The following CCDC33 variants were observed in gnomAD, a reference collection of about 807,000 sequenced individuals.
The protein encoded by CCDC33 is coiled-coil domain containing 33, also known as coiled-coil domain-containing protein 33.
In CCDC33, 94 loss-of-function variants were observed where a neutral mutation model predicts 91.9. The ratio of observed to expected loss-of-function variants is 1.02; its 90% confidence interval spans 0.87 to 1.21. The LOEUF (loss-of-function observed/expected upper bound fraction) is 1.21. Ranked by LOEUF, CCDC33 falls within the 50% of genes most tolerant of loss-of-function variation. CCDC33 has a pLI of 0.00. For missense variants in CCDC33, 940 were observed against 935.5 expected (o/e 1.00, Z -0.06); for synonymous variants, 396 against 374.5 (o/e 1.06, Z -0.66).
At position 74,252,969 on chromosome 15, in the gene CCDC33, C is replaced by T. The variant is rs374692004; in HGVS notation, c.185+8821C>T. ...GCCTGAGAACCATCCCCAGCCAGAC[C>T]GAAGCCATAAGGATTCTTTCCAGAT... On this transcript the variant is annotated intron_variant, in intron 2 of 18. Transcript: ENST00000398814. 2.2e-4 allele frequency among the ~76,000 whole-genome samples: 33 copies of T among 152,238 alleles called. No individual in the cohort carries two copies. The South Asian group carries it at 6.2e-3, about 29-fold the overall frequency.
rs377069667 is a variant in CCDC33, at chr15:74,281,687, A to G, written c.1024-91A>G. The G allele has an allele frequency of 1.5e-3, 1,776 of 1,195,060 alleles. 29 individuals carry two copies. The South Asian group carries it at 0.022, about 15-fold the overall frequency. 74.0% of individuals were successfully genotyped at this position (1,195,060 alleles called of 1,614,324 possible). Reference sequence around the variant, plus strand: ...CCCTCCTGGGTGCAGCCCGCAGGTGACACCTTCCAGAGAAATCTAGAACAG... The same window carrying G: ...CCCTCCTGGGTGCAGCCCGCAGGTGGCACCTTCCAGAGAAATCTAGAACAG... On this transcript the variant is annotated intron_variant, in intron 9 of 18. Transcript: ENST00000398814.
At chr15:74,263,798 G>A (rs1046828349) in intron 3 of CCDC33, among the ~76,000 whole-genome samples, 1 of 152,210 alleles carries the variant, frequency 6.6e-6, no homozygotes, top group Non-Finnish European at 1.5e-5. Flanking sequence ...GCGCGTGGGT[G>A]TGTCTAGCTG....
intron 16 of CCDC33, chr15:74,333,294 C>CA: frequency 6.3e-7 from 1 of 1,595,050 alleles, no homozygotes; most frequent in Non-Finnish European, 8.5e-7. Flanking sequence ...CCAGGCCACT[C>CA]AGAGTGCACA....
At chr15:74,265,188 G>A (rs2076134505) in intron 3 of CCDC33, among the ~76,000 whole-genome samples, 1 of 151,960 alleles carries the variant, frequency 6.6e-6, no homozygotes, top group Non-Finnish European at 1.5e-5. Context: ...TGACCCAGCG[G>A]CTGAGCCCGC....
intron 18 of CCDC33, 43 bp downstream of exon 18, chr15:74,335,131 GGA>G: frequency 2.7e-6 from 4 of 1,474,572 alleles, no homozygotes; most frequent in Non-Finnish European, 3.8e-6. Context: ...TTCAGGTGGT[GGA>G]GCAGGAAGCC....
rs575915477 is a variant in CCDC33, at chr15:74,319,978, G to A, written c.1291-10211G>A. Among the ~76,000 whole-genome samples the A allele has an allele frequency of 1.1e-4, 16 of 152,302 alleles. No homozygotes were observed. In the East Asian group the frequency reaches 3.1e-3, roughly 29 times the overall value. On this transcript the variant is annotated intron_variant, in intron 11 of 18. Transcript: ENST00000398814. ...CCTTTTGTTTCTTTGCCATAACCTTGGGCTGAACAAAGAAGCAACTGCCTC... is the reference window on the plus strand; with the variant it reads ...CCTTTTGTTTCTTTGCCATAACCTTAGGCTGAACAAAGAAGCAACTGCCTC...
rs1050381525 is a variant in CCDC33, at chr15:74,218,840, G to A, written c.654G>A (p.Glu218=). ...CAGAACTGATGTCACCATGCCCAGAGCCCCAGCTCCCCATACTGCAGGTGG... is the reference window on the plus strand; with the variant it reads ...CAGAACTGATGTCACCATGCCCAGAACCCCAGCTCCCCATACTGCAGGTGG... The change falls in exon 2 of 3, where the codon GAG becomes GAA. Residue 218 remains glutamate, a synonymous_variant. Coordinates refer to the CCDC33 transcript ENST00000635913. This position sits in a 1 kb window ranked among gnomAD's most constrained non-coding sequence, Gnocchi z 4.8. 4.0e-6 allele frequency: 5 copies of A among 1,249,334 alleles called. No individual in the cohort carries two copies. The African/African-American group carries it at 7.7e-5, about 19-fold the overall frequency. The allele number at this position is 1,249,334 out of a possible 1,614,324, so 77.4% of individuals were successfully genotyped here. A position where few individuals can be genotyped will look rare whatever the true frequency, so the allele number is the denominator to read the frequency against.
In CCDC33 at chr15:74,246,513, C is replaced by A. The variant is rs141810036; in HGVS notation, c.185+2365C>A. Among the ~76,000 whole-genome samples the A allele has an allele frequency of 5.8e-3, 882 of 152,228 alleles. 9 individuals are homozygous for A. The highest frequency in any genetic ancestry group is 0.021 in the African/African-American group (853 of 41,518). On this transcript the variant is annotated intron_variant, in intron 2 of 18. Coordinates refer to ENST00000398814, the MANE Select transcript of CCDC33 (RefSeq NM_025055.5). ...CCCAATTTAAAAAATGAGAAAAAGACCCGAATAGACATTTTTCCAACAAAG... is the reference window on the plus strand; with the variant it reads ...CCCAATTTAAAAAATGAGAAAAAGAACCGAATAGACATTTTTCCAACAAAG...
chr15:74,322,231 A>T (rs1206922206), intron 11 of CCDC33, among the ~76,000 whole-genome samples: 1 of 152,154 alleles, frequency 6.6e-6, no homozygotes, highest in Non-Finnish European at 1.5e-5. Context: ...ATCACATCTC[A>T]TAGCTTTGTG....
intron 1 of CCDC33, among the ~76,000 whole-genome samples, chr15:74,237,610 G>T (rs75117341): frequency 0.02 from 3,010 of 152,170 alleles, 102 homozygotes; most frequent in African/African-American, 0.069. Context: ...TCTGCCCACA[G>T]CTGCCCCCCA....
At chr15:74,232,107 C>T (rs945297066), upstream of CCDC33, among the ~76,000 whole-genome samples, 1 of 152,080 alleles carries the variant, frequency 6.6e-6, no homozygotes, top group Non-Finnish European at 1.5e-5. Flanking sequence ...GGCATGAGAC[C>T]TGGCACACAG....
At chr15:74,324,919 T>G in intron 11 of CCDC33, among the ~76,000 whole-genome samples, 2 of 135,892 alleles carry the variant, frequency 1.5e-5, no homozygotes, top group Non-Finnish European at 3.1e-5. Flanking sequence ...GGCATGCACC[T>G]CTACCAAAAG....
chr15:74,321,719 C>T (rs1490953650), intron 11 of CCDC33, among the ~76,000 whole-genome samples: 1 of 152,140 alleles, frequency 6.6e-6, no homozygotes, highest in Non-Finnish European at 1.5e-5. Context: ...GGTTAATTCC[C>T]TTTAAAAGTA....
chr15:74,308,087 C>T (rs959885493), intron 11 of CCDC33, among the ~76,000 whole-genome samples: 3 of 152,068 alleles, frequency 2.0e-5, no homozygotes, highest in African/African-American at 7.2e-5. Flanking sequence ...TAGGTGGGCA[C>T]GTCCCCCTTG....
At chr15:74,258,008 C>T (rs562929148) in intron 2 of CCDC33, among the ~76,000 whole-genome samples, 1 of 152,312 alleles carries the variant, frequency 6.6e-6, no homozygotes, top group African/African-American at 2.4e-5. Flanking sequence ...GGAGAATTGC[C>T]CTACCTTCTC....
intron 11 of CCDC33, among the ~76,000 whole-genome samples, chr15:74,308,137 C>T (rs1220192661): frequency 6.6e-6 from 1 of 152,116 alleles, no homozygotes; most frequent in South Asian, 2.1e-4. Flanking sequence ...GGTTGTACCC[C>T]GAAGAGGGCC....
chr15:74,268,974 T>A (rs1431792459), intron 5 of CCDC33, among the ~76,000 whole-genome samples: 10 of 152,236 alleles, frequency 6.6e-5, no homozygotes, highest in Admixed American at 5.9e-4. Flanking sequence ...AGGTATTTAG[T>A]TTATTCATTC....
Position 74,266,589 on chromosome 15 carries a change from A to T in CCDC33, c.320-89A>T. 1.2e-5 allele frequency: 11 copies of T among 925,938 alleles called. No individual in the cohort carries two copies. In the South Asian group the frequency reaches 1.5e-4, roughly 13 times the overall value. 57.4% of individuals were successfully genotyped at this position (925,938 alleles called of 1,614,324 possible). On this transcript the variant is annotated intron_variant, in intron 3 of 18. Transcript: ENST00000398814. ...GTGGCCCCTGCTCCCTACTCTCAAC[A>T]ATGTCTCTCACCTCTCACTGTCTCT...
chr15:74,270,215 A>C (rs2076276533), intron 5 of CCDC33, among the ~76,000 whole-genome samples: 1 of 152,202 alleles, frequency 6.6e-6, no homozygotes, highest in African/African-American at 2.4e-5. Context: ...GGGTATTGAA[A>C]GAGGAGCCTG....
Sources: allele counts gnomAD v4.1 joint callset (sites outside exome capture counted in the v4.1 genomes callset), GRCh38; gene constraint gnomAD v4.1.1; non-coding constraint Gnocchi (gnomAD v3.1); transcripts MANE v1.5; gene names NCBI Gene and HGNC (gene_info 2026-07-23, HGNC 2026-07-21).